The following GPR39 variants were observed in gnomAD, a reference collection of about 807,000 sequenced individuals.
GPR39 encodes G protein-coupled receptor 39.
GPR39 carries 23 observed loss-of-function variants against 18.4 expected under a neutral mutation model. The observed-to-expected ratio is 1.25, with a 90% CI of 0.90 to 1.77. The LOEUF is 1.77. Among genes scored for constraint, GPR39 ranks in the 40% most tolerant of loss-of-function variants. The pLI is 0.00. For missense variants in GPR39, 647 were observed against 602.4 expected, an observed-to-expected ratio of 1.07 and a Z score of -0.78; for synonymous variants, 280 against 257.9, an observed-to-expected ratio of 1.09 and a Z score of -0.82.
chr2:132,433,956 G>T (rs954101508), intron 1 of GPR39: 2 of 151,836 alleles, frequency 1.3e-5, no homozygotes, highest in Non-Finnish European at 2.9e-5. Flanking sequence ...CCTAAAGCTG[G>T]AGACTTTAAT....
chr2:132,479,010 C>CA (rs1681182665), intron 1 of GPR39, among the ~76,000 whole-genome samples: 1 of 152,052 alleles, frequency 6.6e-6, no homozygotes, highest in East Asian at 1.9e-4. Flanking sequence ...GACTAAAGCA[C>CA]AAAAACCAAA....
chr2:132,585,670 G>A (rs1251387733), intron 1 of GPR39, among the ~76,000 whole-genome samples: 1 of 152,150 alleles, frequency 6.6e-6, no homozygotes, highest in Non-Finnish European at 1.5e-5. Context: ...TGGTGCTCGA[G>A]GTGGCCAGTG....
intron 1 of GPR39, among the ~76,000 whole-genome samples, chr2:132,483,567 C>T (rs1254105920): frequency 1.3e-5 from 2 of 152,216 alleles, no homozygotes; most frequent in Admixed American, 6.5e-5. Flanking sequence ...TAATGTCAGT[C>T]TTTTGGTGTT....
intron 1 of GPR39, among the ~76,000 whole-genome samples, chr2:132,475,680 C>T (rs1681113424): frequency 6.6e-6 from 1 of 152,076 alleles, no homozygotes; most frequent in East Asian, 1.9e-4. Flanking sequence ...GAAAATTTAC[C>T]ACATGGAAAA....
intron 1 of GPR39, among the ~76,000 whole-genome samples, chr2:132,534,673 G>A (rs1679714438): frequency 6.6e-6 from 1 of 151,950 alleles, no homozygotes; most frequent in Non-Finnish European, 1.5e-5. Context: ...AAAATGATGA[G>A]TTCATGTCCT....
At chr2:132,611,628 G>GAA (rs35004928) in intron 1 of GPR39, among the ~76,000 whole-genome samples, 526 of 143,964 alleles carry the variant, frequency 3.7e-3, no homozygotes, top group African/African-American at 4.6e-3. Context: ...TTGATTTGCA[G>GAA]AAAAAAAAAA....
At chr2:132,480,596 T>C (rs1681215287) in intron 1 of GPR39, among the ~76,000 whole-genome samples, 1 of 152,036 alleles carries the variant, frequency 6.6e-6, no homozygotes, top group Non-Finnish European at 1.5e-5. Context: ...ATAGAATTAG[T>C]AGGATTTGGC....
intron 1 of GPR39, among the ~76,000 whole-genome samples, chr2:132,481,326 G>A (rs1228447506): frequency 1.3e-5 from 2 of 152,172 alleles, no homozygotes; most frequent in Non-Finnish European, 2.9e-5. Context: ...CCACAGTTGA[G>A]AGAATTCTGC....
At chr2:132,622,957 C>T (rs1681468306) in intron 1 of GPR39, among the ~76,000 whole-genome samples, 1 of 152,090 alleles carries the variant, frequency 6.6e-6, no homozygotes, top group Non-Finnish European at 1.5e-5. Context: ...ACTAAAAATA[C>T]ACAAAGTAGC....
At chr2:132,491,121 C>T (rs1250240029) in intron 1 of GPR39, among the ~76,000 whole-genome samples, 1 of 152,096 alleles carries the variant, frequency 6.6e-6, no homozygotes, top group Non-Finnish European at 1.5e-5. Flanking sequence ...AAAACAGCAA[C>T]AGCTAGTAAG....
At chr2:132,557,589 G>A (rs1317070886) in intron 1 of GPR39, among the ~76,000 whole-genome samples, 1 of 59,066 alleles carries the variant, frequency 1.7e-5, no homozygotes, top group Non-Finnish European at 3.5e-5. Context: ...CTGAAAGAAA[G>A]GATGAGAGAG....
At chr2:132,437,552 C>G (rs1291598986) in intron 1 of GPR39, among the ~76,000 whole-genome samples, 3 of 152,156 alleles carry the variant, frequency 2.0e-5, no homozygotes, top group African/African-American at 7.2e-5. Flanking sequence ...TGTGGGTTGG[C>G]GGGCAGAGGC....
At chr2:132,431,043 T>C (rs1680217091) in intron 1 of GPR39, among the ~76,000 whole-genome samples, 1 of 152,116 alleles carries the variant, frequency 6.6e-6, no homozygotes, top group South Asian at 2.1e-4. Flanking sequence ...GCCTCCTGCT[T>C]CTGAAATGCT....
chr2:132,477,916 A>G (rs1046530495), intron 1 of GPR39, among the ~76,000 whole-genome samples: 6 of 152,250 alleles, frequency 3.9e-5, no homozygotes, highest in Admixed American at 2.0e-4. Context: ...TTGGAAATAT[A>G]TTTAATACCA....
chr2:132,590,882 G>A (rs1442041747), intron 1 of GPR39, among the ~76,000 whole-genome samples: 2 of 151,280 alleles, frequency 1.3e-5, no homozygotes, highest in African/African-American at 2.4e-5. Context: ...ATTTGAATTG[G>A]TGGACTGGGA....
At chr2:132,567,335 C>G (rs1170429365) in intron 1 of GPR39, among the ~76,000 whole-genome samples, 1 of 152,020 alleles carries the variant, frequency 6.6e-6, no homozygotes, top group Non-Finnish European at 1.5e-5. Flanking sequence ...AAAAGTGGAG[C>G]CTTTAAAAGG....
intron 1 of GPR39, among the ~76,000 whole-genome samples, chr2:132,561,991 C>T (rs1680262320): frequency 6.6e-6 from 1 of 152,118 alleles, no homozygotes. Flanking sequence ...CAAGAAATAC[C>T]CTCGCAGACA....
At chr2:132,584,689 T>C (rs1169198438) in intron 1 of GPR39, among the ~76,000 whole-genome samples, 3 of 152,182 alleles carry the variant, frequency 2.0e-5, no homozygotes, top group Middle Eastern at 3.4e-3. Flanking sequence ...AACTCACTTC[T>C]AGAGGCTTCT....
chr2:132,448,022 G>A (rs558876573), intron 1 of GPR39, among the ~76,000 whole-genome samples: 25 of 152,342 alleles, frequency 1.6e-4, no homozygotes, highest in Admixed American at 1.3e-3. Flanking sequence ...TTTCAATGGG[G>A]AGGACTTGAT....
Sources: allele counts gnomAD v4.1 joint callset (sites outside exome capture counted in the v4.1 genomes callset), GRCh38; gene constraint gnomAD v4.1.1; transcripts MANE v1.5; gene names NCBI Gene and HGNC (gene_info 2026-07-23, HGNC 2026-07-21).